GRM7: variants seen among roughly 807,000 people sequenced by gnomAD.
GRM7 encodes glutamate metabotropic receptor 7.
In GRM7, 35 loss-of-function variants were observed where a neutral mutation model predicts 84.5. That is an observed-to-expected ratio of 0.41 (90% CI 0.32 to 0.55). The LOEUF (loss-of-function observed/expected upper bound fraction) is 0.55, where lower values mean the gene tolerates loss of function less well. Ranked by LOEUF, GRM7 falls within the 20% of genes least tolerant of loss-of-function variation. The pLI is 0.19. For missense variants in GRM7, 1,003 were observed against 1,194.6 expected (o/e 0.84, Z 2.36); for synonymous variants, 487 against 455.1 (o/e 1.07, Z -0.89).
intron 9 of GRM7, among the ~76,000 whole-genome samples, chr3:7,722,519 T>C (rs1019922539): frequency 6.6e-6 from 1 of 151,338 alleles, no homozygotes; most frequent in African/African-American, 2.4e-5. Flanking sequence ...CTCAGCTCAC[T>C]GCAATCTCTG....
At position 7,467,547 on chromosome 3, in the gene GRM7, A is replaced by G. The variant is rs1357912422; in HGVS notation, c.1515+5825A>G. 5.9e-5 allele frequency among the ~76,000 whole-genome samples: 9 copies of G among 152,254 alleles called. No individual in the cohort carries two copies. In the South Asian group the frequency reaches 8.3e-4, roughly 14 times the overall value. On this transcript the variant is annotated intron_variant, in intron 7 of 9. Transcript: ENST00000357716. ...GACATCACTGGATGTCTGCTGGCCA[A>G]TCTGAGACATCAACATGCTCTTCTT...
chr3:6,932,367 G>T (rs573948028), intron 1 of GRM7, among the ~76,000 whole-genome samples: 1 of 152,156 alleles, frequency 6.6e-6, no homozygotes, highest in East Asian at 1.9e-4. Context: ...GAAGCTTTTT[G>T]TCCATTTGCA....
At chr3:7,379,147 A>G (rs1694480611) in intron 4 of GRM7, among the ~76,000 whole-genome samples, 1 of 152,134 alleles carries the variant, frequency 6.6e-6, no homozygotes, top group Non-Finnish European at 1.5e-5. Flanking sequence ...ATGTTGGCTC[A>G]CTGCAACCTC....
intron 1 of GRM7, among the ~76,000 whole-genome samples, chr3:7,010,268 C>T (rs529921486): frequency 3.9e-5 from 6 of 152,126 alleles, no homozygotes; most frequent in South Asian, 2.1e-4. Flanking sequence ...CTGGGCAACA[C>T]GGTGAAACCC....
At chr3:7,365,647 G>GTA (rs755999982) in intron 4 of GRM7, among the ~76,000 whole-genome samples, 11,284 of 129,894 alleles carry the variant, frequency 0.087, 804 homozygotes, top group African/African-American at 0.21. Context: ...GTGCGTGTGT[G>GTA]TATATATATA....
intron 1 of GRM7, among the ~76,000 whole-genome samples, chr3:7,023,052 G>C (rs1436748314): frequency 6.6e-6 from 1 of 151,952 alleles, no homozygotes; most frequent in Non-Finnish European, 1.5e-5. Context: ...ATGGGAGGTG[G>C]GAGGCAGATA....
At chr3:6,988,485 T>C (rs945719957) in intron 1 of GRM7, among the ~76,000 whole-genome samples, 1 of 152,170 alleles carries the variant, frequency 6.6e-6, no homozygotes, top group South Asian at 2.1e-4. Context: ...TTTCTACTGA[T>C]GGTCCCATAG....
intron 1 of GRM7, among the ~76,000 whole-genome samples, chr3:7,029,763 A>T (rs945871249): frequency 4.6e-5 from 7 of 152,168 alleles, no homozygotes; most frequent in African/African-American, 1.7e-4. Context: ...TGGGAAGATG[A>T]AAAAGTTATG....
chr3:7,300,746 T>C (rs906284323), intron 3 of GRM7, among the ~76,000 whole-genome samples: 2 of 152,134 alleles, frequency 1.3e-5, no homozygotes, highest in African/African-American at 4.8e-5. Context: ...CTCTGATCAA[T>C]GTCACTTTGG....
chr3:7,193,184 G>T (rs974307671), intron 2 of GRM7, among the ~76,000 whole-genome samples: 2 of 152,082 alleles, frequency 1.3e-5, no homozygotes, highest in African/African-American at 4.8e-5. Context: ...GTTTCTTTAA[G>T]GGATAAATGG....
intron 2 of GRM7, among the ~76,000 whole-genome samples, chr3:7,217,188 G>C (rs1696643449): frequency 6.6e-6 from 1 of 152,208 alleles, no homozygotes; most frequent in Admixed American, 6.5e-5. Context: ...CAGAGAGGAA[G>C]TGATAAGACC....
In GRM7 at chr3:6,981,927, C is replaced by A. The variant is rs530353911; in HGVS notation, c.519+120020C>A. ...AAGAACTCAGATCTACCATTGGATC[C>A]AGCAGTCTCTTTACTGGGTATATAA... On this transcript the variant is annotated intron_variant, in intron 1 of 9. Transcript: ENST00000357716. Among the ~76,000 whole-genome samples the A allele has an allele frequency of 2.0e-5, 3 of 152,232 alleles. No individual in the cohort carries two copies. In the South Asian group the frequency reaches 6.2e-4, roughly 32 times the overall value.
At chr3:7,357,039 A>C (rs915170808) in intron 4 of GRM7, among the ~76,000 whole-genome samples, 1 of 149,982 alleles carries the variant, frequency 6.7e-6, no homozygotes, top group Non-Finnish European at 1.5e-5. Context: ...ATTGTATAAT[A>C]TATATGTTCA....
At chr3:7,637,413 A>C (rs1390982857) in intron 8 of GRM7, among the ~76,000 whole-genome samples, 1 of 152,248 alleles carries the variant, frequency 6.6e-6, no homozygotes, top group Non-Finnish European at 1.5e-5. Context: ...GAGTCAAAGG[A>C]ACAAATGATG....
chr3:7,350,930 G>T (rs1693112859), intron 4 of GRM7, among the ~76,000 whole-genome samples: 1 of 152,056 alleles, frequency 6.6e-6, no homozygotes, highest in Non-Finnish European at 1.5e-5. Context: ...AACCAGAGGG[G>T]TGATCTCTGA....
chr3:7,219,383 G>T (rs931357182), intron 2 of GRM7, among the ~76,000 whole-genome samples: 1 of 152,122 alleles, frequency 6.6e-6, no homozygotes, highest in South Asian at 2.1e-4. Context: ...ACCTATTAAT[G>T]GTTATGTTAT....
At chr3:7,335,261 C>G (rs535388925) in intron 4 of GRM7, among the ~76,000 whole-genome samples, 47 of 152,102 alleles carry the variant, frequency 3.1e-4, no homozygotes, top group African/African-American at 1.1e-3. Context: ...CCAAGAGGAA[C>G]CTTTAAAACT....
Position 7,673,180 on chromosome 3 carries a change from C to A in GRM7, c.2452-6869C>A, listed in dbSNP as rs1266005982. Among the ~76,000 whole-genome samples the A allele has an allele frequency of 2.6e-5, 4 of 152,282 alleles. No homozygotes were observed. The South Asian group carries it at 8.3e-4, about 32-fold the overall frequency. The stretch of plus-strand genomic sequence containing the variant: ...AGCGTTATGAGATAGGTATTACTGT[C>A]ATCCTCGCTCCAGTAATGAGGAAAC... On this transcript the variant is annotated intron_variant, in intron 8 of 9. Transcript: ENST00000357716.
chr3:7,665,443 G>C (rs1046698897), intron 8 of GRM7, among the ~76,000 whole-genome samples: 3 of 151,898 alleles, frequency 2.0e-5, no homozygotes, highest in African/African-American at 7.3e-5. Flanking sequence ...CCAAAGTGCT[G>C]GGATTACAAG....
Sources: gnomAD v4.1 joint callset for allele counts (sites outside exome capture counted in the v4.1 genomes callset) on GRCh38, gnomAD v4.1.1 for gene constraint, MANE v1.5 for transcripts, NCBI Gene and HGNC (gene_info 2026-07-23, HGNC 2026-07-21) for gene names.